PDGFC: variants seen among roughly 807,000 people sequenced by gnomAD.
PDGFC encodes the protein platelet-derived growth factor C.
PDGFC carries 12 observed loss-of-function variants against 35.5 expected under a neutral mutation model. The ratio of observed to expected loss-of-function variants is 0.34; its 90% confidence interval spans 0.22 to 0.55. The LOEUF (loss-of-function observed/expected upper bound fraction) is 0.55. Among genes scored for constraint, PDGFC ranks in the 20% least tolerant of loss-of-function variants. The probability of loss-of-function intolerance (pLI) is 0.91; values close to 1 mark genes in which losing one functional copy is unlikely to be tolerated. For missense variants in PDGFC, 322 were observed against 412.4 expected (o/e 0.78, Z 1.90); for synonymous variants, 159 against 148.8 (o/e 1.07, Z -0.50).
intron 1 of PDGFC, among the ~76,000 whole-genome samples, chr4:156,859,699 G>A (rs756713507): frequency 4.6e-5 from 7 of 151,952 alleles, no homozygotes; most frequent in Non-Finnish European, 7.4e-5. Context: ...GTAAAAATAC[G>A]AAAAATATAA....
At chr4:156,792,583 C>CTATCTTCAGGCAGAAATGCCAT (rs1265446856) in intron 3 of PDGFC, among the ~76,000 whole-genome samples, 8 of 152,166 alleles carry the variant, frequency 5.3e-5, no homozygotes, top group Non-Finnish European at 1.5e-5. Context: ...CAAAAATACA[C>CTATCTTCAGGCAGAAATGCCAT]TATCTTCAGG....
At chr4:156,775,037 C>T (rs1363370079) in intron 3 of PDGFC, among the ~76,000 whole-genome samples, 1 of 152,038 alleles carries the variant, frequency 6.6e-6, no homozygotes. Flanking sequence ...GATATTTTTG[C>T]TCTACCCATT....
chr4:156,808,466 C>A (rs1021173091), intron 3 of PDGFC, among the ~76,000 whole-genome samples: 1 of 151,850 alleles, frequency 6.6e-6, no homozygotes, highest in Non-Finnish European at 1.5e-5. Context: ...TCATCCAGAG[C>A]AAAAAGAGAA....
chr4:156,856,472 G>A (rs549712034), intron 1 of PDGFC, among the ~76,000 whole-genome samples: 3 of 152,076 alleles, frequency 2.0e-5, no homozygotes, highest in South Asian at 2.1e-4. Flanking sequence ...ACTAGTAAAC[G>A]AGCCAGTTTC....
intron 1 of PDGFC, among the ~76,000 whole-genome samples, chr4:156,964,834 C>T (rs1383570273): frequency 6.6e-6 from 1 of 152,136 alleles, no homozygotes; most frequent in Non-Finnish European, 1.5e-5. Context: ...CTCTAACATT[C>T]CTCATACCAC....
At chr4:156,962,388 C>T (rs1440895558) in intron 1 of PDGFC, among the ~76,000 whole-genome samples, 1 of 152,082 alleles carries the variant, frequency 6.6e-6, no homozygotes, top group Admixed American at 6.5e-5. Flanking sequence ...AACTTCCCTT[C>T]CAGACAAAAC....
chr4:156,801,463 A>G (rs529220751), intron 3 of PDGFC, among the ~76,000 whole-genome samples: 6 of 152,278 alleles, frequency 3.9e-5, no homozygotes, highest in African/African-American at 1.4e-4. Flanking sequence ...CAACCTCTAC[A>G]TATGCCTTTC....
intron 3 of PDGFC, among the ~76,000 whole-genome samples, chr4:156,780,017 A>G (rs1181761524): frequency 2.0e-5 from 3 of 152,036 alleles, no homozygotes; most frequent in African/African-American, 4.8e-5. Context: ...GTAATAATCA[A>G]TGTGGAAAAC....
At chr4:156,775,316 A>AAAATTAAG (rs1730800890) in intron 3 of PDGFC, among the ~76,000 whole-genome samples, 1 of 152,188 alleles carries the variant, frequency 6.6e-6, no homozygotes, top group South Asian at 2.1e-4. Context: ...TTATAAAGTA[A>AAAATTAAG]AAATTAAGGG....
intron 1 of PDGFC, among the ~76,000 whole-genome samples, chr4:156,892,065 A>ATTTAC (rs1276913768): frequency 3.3e-5 from 5 of 152,190 alleles, no homozygotes; most frequent in African/African-American, 1.2e-4. Context: ...GCCTTGTGTA[A>ATTTAC]GCTCTAAACA....
chr4:156,937,919 A>T (rs921150956), intron 1 of PDGFC, among the ~76,000 whole-genome samples: 2 of 152,170 alleles, frequency 1.3e-5, no homozygotes, highest in Non-Finnish European at 2.9e-5. Flanking sequence ...GAAATTACAG[A>T]GAAACAAAAC....
chr4:156,794,829 A>G (rs146024120), intron 3 of PDGFC, among the ~76,000 whole-genome samples: 2,823 of 152,306 alleles, frequency 0.019, 34 homozygotes, highest in Non-Finnish European at 0.031. Context: ...ATTACTAGCT[A>G]CTTGGATATA....
intron 3 of PDGFC, among the ~76,000 whole-genome samples, chr4:156,785,746 A>C (rs1169961785): frequency 6.6e-6 from 1 of 152,146 alleles, no homozygotes; most frequent in Non-Finnish European, 1.5e-5. Context: ...CTATTAAAAT[A>C]ATGCACATTT....
chr4:156,934,777 GA>G (rs879692016), intron 1 of PDGFC, among the ~76,000 whole-genome samples: 1 of 151,874 alleles, frequency 6.6e-6, no homozygotes, highest in Non-Finnish European at 1.5e-5. Context: ...CTTTGTTAAT[GA>G]AAAACAGAAG....
intron 2 of PDGFC, among the ~76,000 whole-genome samples, chr4:156,825,464 C>T (rs1346804025): frequency 6.7e-6 from 1 of 150,068 alleles, no homozygotes; most frequent in Non-Finnish European, 1.5e-5. Context: ...GTGGGAGGAT[C>T]ACTTGAGAAT....
At chr4:156,834,772 G>A (rs1337293392) in intron 2 of PDGFC, among the ~76,000 whole-genome samples, 2 of 152,048 alleles carry the variant, frequency 1.3e-5, no homozygotes, top group Non-Finnish European at 2.9e-5. Flanking sequence ...AAAAATCTCT[G>A]GGCACTGAAG....
At chr4:156,827,252 C>A (rs952966517) in intron 2 of PDGFC, among the ~76,000 whole-genome samples, 10 of 151,970 alleles carry the variant, frequency 6.6e-5, no homozygotes, top group African/African-American at 2.4e-4. Flanking sequence ...CTCGTCTCTA[C>A]TAAAAATACA....
chr4:156,776,671 C>A (rs1730838355), intron 3 of PDGFC, among the ~76,000 whole-genome samples: 1 of 152,132 alleles, frequency 6.6e-6, no homozygotes, highest in South Asian at 2.1e-4. Flanking sequence ...GATGTCAGCT[C>A]CATGAGATAA....
intron 1 of PDGFC, among the ~76,000 whole-genome samples, chr4:156,925,079 G>C (rs1186875956): frequency 1.3e-5 from 2 of 152,200 alleles, no homozygotes; most frequent in Non-Finnish European, 2.9e-5. Context: ...ATTCCAGACT[G>C]AGGAAATCAT....
Sources: allele counts gnomAD v4.1 joint callset (sites outside exome capture counted in the v4.1 genomes callset), GRCh38; gene constraint gnomAD v4.1.1; transcripts MANE v1.5; gene names NCBI Gene and HGNC (gene_info 2026-07-23, HGNC 2026-07-21).